Variants in DENND1B observed in about 807,000 individuals in gnomAD.
The protein encoded by DENND1B is DENN domain containing 1B.
In DENND1B, 59 loss-of-function variants were observed where a neutral mutation model predicts 90.1. The ratio of observed to expected loss-of-function variants is 0.65; its 90% confidence interval spans 0.53 to 0.81. DENND1B has a LOEUF of 0.81. Ranked by LOEUF, DENND1B falls within the 40% of genes least tolerant of loss-of-function variation. The pLI is 0.00. For missense variants in DENND1B, 862 were observed against 912.6 expected (o/e 0.94, Z 0.71); for synonymous variants, 337 against 324.6 (o/e 1.04, Z -0.41).
intron 2 of DENND1B, among the ~76,000 whole-genome samples, chr1:197,768,837 A>T (rs1050953640): frequency 6.6e-6 from 1 of 151,994 alleles, no homozygotes; most frequent in African/African-American, 2.4e-5. Context: ...GCTATTTTCC[A>T]GAATGTTCTG....
intron 2 of DENND1B, among the ~76,000 whole-genome samples, chr1:197,755,004 GAC>G (rs1654096348): frequency 6.6e-6 from 1 of 152,094 alleles, no homozygotes; most frequent in Admixed American, 6.5e-5. Context: ...TACATATACA[GAC>G]ACACATACTG....
At chr1:197,692,051 T>C (rs1001046454) in intron 3 of DENND1B, among the ~76,000 whole-genome samples, 6 of 151,846 alleles carry the variant, frequency 4.0e-5, no homozygotes, top group Non-Finnish European at 7.4e-5. Flanking sequence ...TACAACACTG[T>C]GCTTATAGTT....
chr1:197,660,455 G>C (rs146209136), intron 5 of DENND1B, among the ~76,000 whole-genome samples: 1,663 of 152,018 alleles, frequency 0.011, 28 homozygotes, highest in African/African-American at 0.038. Flanking sequence ...AAAAAATAGA[G>C]GAAAGAAATG....
At chr1:197,574,891 G>A (rs1261081176) in intron 15 of DENND1B, among the ~76,000 whole-genome samples, 1 of 152,190 alleles carries the variant, frequency 6.6e-6, no homozygotes, top group Non-Finnish European at 1.5e-5. Flanking sequence ...TTAGCCATAT[G>A]TAAAAAGCTG....
chr1:197,521,343 C>A (rs1668761829), intron 20 of DENND1B, among the ~76,000 whole-genome samples: 1 of 151,846 alleles, frequency 6.6e-6, no homozygotes, highest in Non-Finnish European at 1.5e-5. Context: ...CACCAGGTGG[C>A]AGACAAATAT....
At chr1:197,713,657 C>G (rs1198770774) in intron 3 of DENND1B, among the ~76,000 whole-genome samples, 1 of 71,552 alleles carries the variant, frequency 1.4e-5, no homozygotes, top group African/African-American at 5.3e-5. Context: ...GTGGGTGCAG[C>G]GCACCAGCAT....
chr1:197,741,655 G>A (rs1221756557), intron 2 of DENND1B, among the ~76,000 whole-genome samples: 1 of 151,900 alleles, frequency 6.6e-6, no homozygotes, highest in Non-Finnish European at 1.5e-5. Context: ...TATTTAACAG[G>A]CACAAAACTT....
chr1:197,614,653 T>C (rs1007529501), intron 11 of DENND1B, among the ~76,000 whole-genome samples: 2 of 150,956 alleles, frequency 1.3e-5, no homozygotes, highest in Non-Finnish European at 3.0e-5. Flanking sequence ...TAGCTTTTTT[T>C]TTCTTTTTAG....
At chr1:197,667,837 T>A (rs1655101720) in intron 5 of DENND1B, among the ~76,000 whole-genome samples, 1 of 152,194 alleles carries the variant, frequency 6.6e-6, no homozygotes. Flanking sequence ...GCTAAATTCC[T>A]ACTAATTTTT....
At chr1:197,616,162 A>C (rs1275658367) in intron 11 of DENND1B, among the ~76,000 whole-genome samples, 1 of 150,970 alleles carries the variant, frequency 6.6e-6, no homozygotes, top group Non-Finnish European at 1.5e-5. Context: ...ATAAAACGTA[A>C]TTCTAAAGAT....
intron 10 of DENND1B, among the ~76,000 whole-genome samples, chr1:197,629,279 A>T (rs1425905214): frequency 6.6e-6 from 1 of 152,038 alleles, no homozygotes; most frequent in Non-Finnish European, 1.5e-5. Context: ...AACCAACCCA[A>T]ATGTCCAACA....
intron 15 of DENND1B, among the ~76,000 whole-genome samples, chr1:197,575,422 G>GT (rs1488796463): frequency 1.3e-5 from 2 of 152,034 alleles, no homozygotes; most frequent in South Asian, 2.1e-4. Flanking sequence ...CATTAAAAAG[G>GT]TAAGAAACAA....
chr1:197,658,544 T>C (rs1654081387), intron 5 of DENND1B, among the ~76,000 whole-genome samples, 175 bp from the exon 6 acceptor site: 1 of 151,918 alleles, frequency 6.6e-6, no homozygotes, highest in South Asian at 2.1e-4. Flanking sequence ...TTACTAGTTT[T>C]CATAAAACAA....
At chr1:197,651,976 A>C (rs916985683) in intron 7 of DENND1B, among the ~76,000 whole-genome samples, 2 of 152,122 alleles carry the variant, frequency 1.3e-5, no homozygotes, top group Admixed American at 1.3e-4. Context: ...TTTCTTAAAA[A>C]TGAAATATCC....
intron 18 of DENND1B, among the ~76,000 whole-genome samples, chr1:197,543,664 C>T (rs1404611491): frequency 5.3e-5 from 8 of 152,060 alleles, no homozygotes; most frequent in Admixed American, 2.6e-4. Flanking sequence ...CCAAAAAAAA[C>T]GCAGAGGCTG....
intron 2 of DENND1B, among the ~76,000 whole-genome samples, chr1:197,768,808 C>T (rs1015891797): frequency 3.3e-5 from 5 of 151,530 alleles, no homozygotes; most frequent in African/African-American, 9.7e-5. Context: ...TTGTAGAGCA[C>T]TCCATATGAA....
Position 197,772,946 on chromosome 1 carries a change from G to A in DENND1B, c.18-14C>T. ...TCTGGATTTGCCCTAAAAGGAAAAA[G>A]TTTAAATTAATTTCCTATGACAAAT... On this transcript the variant is annotated splice_polypyrimidine_tract_variant and intron_variant, in intron 1 of 22. Transcript: ENST00000620048. 1 of 1,547,588 alleles carries A rather than the reference G, an allele frequency of 6.5e-7. No individual in the cohort carries two copies. Among genetic ancestry groups the A allele is most frequent in the Non-Finnish European group, 8.7e-7 (1 of 1,144,036 alleles).
At chr1:197,713,759 T>A (rs1314141088) in intron 3 of DENND1B, among the ~76,000 whole-genome samples, 1 of 69,582 alleles carries the variant, frequency 1.4e-5, no homozygotes, top group Non-Finnish European at 2.7e-5. Context: ...AAAAAAAAAA[T>A]AATTATATTA....
At chr1:197,565,399 C>T (rs1672542864) in intron 15 of DENND1B, among the ~76,000 whole-genome samples, 1 of 151,944 alleles carries the variant, frequency 6.6e-6, no homozygotes, top group Non-Finnish European at 1.5e-5. Context: ...TATGTGACTC[C>T]AAGTTTAAAA....
Sources: allele counts gnomAD v4.1 joint callset (sites outside exome capture counted in the v4.1 genomes callset), GRCh38; gene constraint gnomAD v4.1.1; transcripts MANE v1.5; gene names NCBI Gene and HGNC (gene_info 2026-07-23, HGNC 2026-07-21).